Variants in ARID5A observed in about 807,000 individuals in gnomAD.
The protein encoded by ARID5A is AT-rich interaction domain 5A, also known as AT-rich interactive domain-containing protein 5A.
A neutral mutation model predicts 30.5 loss-of-function variants in ARID5A; 14 were observed. The ratio of observed to expected loss-of-function variants is 0.46; its 90% CI spans 0.30 to 0.72. The LOEUF (loss-of-function observed/expected upper bound fraction) is 0.72. ARID5A is among the 30% of genes least tolerant of loss of function. The pLI, the probability that ARID5A is intolerant of heterozygous loss-of-function variation, is 0.07. For missense variants in ARID5A, 669 were observed against 786.2 expected, an observed-to-expected ratio of 0.85 and a Z score of 1.78; for synonymous variants, 338 against 340.4, an observed-to-expected ratio of 0.99 and a Z score of 0.08.
At chr2:96,547,906 G>A (rs112354135) in intron 2 of ARID5A, among the ~76,000 whole-genome samples, 3,160 of 152,316 alleles carry the variant, frequency 0.021, 48 homozygotes, top group Non-Finnish European at 0.029. Context: ...CAGCTTTTTC[G>A]GAGCACAGTC....
intron 1 of ARID5A, among the ~76,000 whole-genome samples, chr2:96,540,709 T>G (rs2065829895): frequency 6.6e-6 from 1 of 152,236 alleles, no homozygotes. Flanking sequence ...GTTTCTAAAT[T>G]TAAATGCAAT....
At chr2:96,542,500 G>A (rs2065863083) in intron 1 of ARID5A, among the ~76,000 whole-genome samples, 1 of 152,186 alleles carries the variant, frequency 6.6e-6, no homozygotes, top group Admixed American at 6.5e-5. Context: ...GGCAGAGCTT[G>A]CAAACTCTGA....
At chr2:96,543,427 C>A (rs1307173477) in intron 1 of ARID5A, among the ~76,000 whole-genome samples, 1 of 151,378 alleles carries the variant, frequency 6.6e-6, no homozygotes, top group Non-Finnish European at 1.5e-5. Context: ...TCTATCGATG[C>A]CATTTTTTAA....
intron 1 of ARID5A, among the ~76,000 whole-genome samples, chr2:96,544,127 G>C (rs2065887200): frequency 6.6e-6 from 1 of 152,206 alleles, no homozygotes; most frequent in Admixed American, 6.5e-5. Flanking sequence ...AAGAAAAGTT[G>C]GAAGCTAGCA....
In ARID5A at chr2:96,539,119, T is replaced by C. The variant is rs1337837551; in HGVS notation, c.4+2289T>C. On this transcript the variant is annotated intron_variant, in intron 1 of 6. Coordinates refer to ENST00000357485, the MANE Select transcript of ARID5A (RefSeq NM_212481.3). This position sits in a 1 kb window ranked among gnomAD's most constrained non-coding sequence, Gnocchi z 4.7. ...CTCTGATCTTCTCACTGAGCCTGGC[T>C]GTGGTTTGTGGGGGAAGCCTCCTTT... Among the ~76,000 whole-genome samples the C allele has an allele frequency of 6.6e-6, 1 of 152,216 alleles. No homozygotes were observed. Among genetic ancestry groups the C allele is most frequent in the Non-Finnish European group, 1.5e-5 (1 of 68,038 alleles).
intron 1 of ARID5A, among the ~76,000 whole-genome samples, chr2:96,547,051 A>G (rs1181658507): frequency 6.6e-6 from 1 of 151,978 alleles, no homozygotes; most frequent in Admixed American, 6.6e-5. Flanking sequence ...ACAGGTGTGG[A>G]GCGGATGCAG....
In ARID5A at chr2:96,550,685, G is replaced by A; in HGVS notation, c.522G>A (p.Gly174=). 6.2e-7 allele frequency: 1 copy of A among 1,600,114 alleles called. No individual in the cohort carries two copies. ...CTAAGGAGAACAGGGGGGATGATGG[G>A]GCCACCGAGAGGCCGAAGAAGGCCA... ...KMAKENRGDD[G]ATERPKKAKE... Residue 174 remains glycine (G), a synonymous_variant, in exon 6 of 7, where the codon GGG becomes GGA. Coordinates refer to ENST00000357485, the MANE Select transcript of ARID5A (RefSeq NM_212481.3). The surrounding 1 kb of genome is among the most constrained non-coding windows in gnomAD (Gnocchi z 6.6).
chr2:96,551,249 C>A lies in ARID5A; in HGVS notation c.721C>A (p.Arg241=). Residue 241 remains arginine, a synonymous_variant, in exon 7 of 7, where the codon CGG becomes AGG. Transcript: ENST00000357485. ...CAGCGGCTGTCCTGAGGCCTACAAGCGGCTCCTATCCAGCTTCTACTGCAA... is the reference window on the plus strand; with the variant it reads ...CAGCGGCTGTCCTGAGGCCTACAAGAGGCTCCTATCCAGCTTCTACTGCAA... ...GASGCPEAYK[R]LLSSFYCKGT... The A allele has an allele frequency of 6.2e-7, 1 of 1,613,936 alleles. No individual in the cohort carries two copies. Among genetic ancestry groups the A allele is most frequent in the Non-Finnish European group, 8.5e-7 (1 of 1,180,022 alleles).
intron 1 of ARID5A, among the ~76,000 whole-genome samples, chr2:96,547,154 C>CT (rs1204775421): frequency 8.3e-4 from 119 of 143,048 alleles, no homozygotes; most frequent in Middle Eastern, 3.6e-3. Context: ...CTGGCCAATT[C>CT]TTTTTTTTTT....
rs145532133 is a variant in ARID5A at position 96,548,771 on chromosome 2, A to G, written c.121-550A>G. 5.7e-3 allele frequency among the ~76,000 whole-genome samples: 864 copies of G among 152,326 alleles called. 9 individuals carry two copies. Among genetic ancestry groups the G allele is most frequent in the African/African-American group, 0.02 (823 of 41,562 alleles). On this transcript the variant is annotated intron_variant, in intron 2 of 6. Coordinates refer to ENST00000357485, the MANE Select transcript of ARID5A (RefSeq NM_212481.3). ...CCTGTGCCCCTGACAGCAGTGCGCA[A>G]TTGAAGCCCAGAGCTTCACCTCCCT...
intron 1 of ARID5A, 61 bp downstream of exon 1, chr2:96,536,891 G>C: frequency 8.2e-7 from 1 of 1,224,456 alleles, no homozygotes; most frequent in South Asian, 4.1e-5. Flanking sequence ...GAGGTTCAAG[G>C]TGCCGGCGCC....
Position 96,550,637 on chromosome 2 carries a change from GC to G in ARID5A, c.477del (p.Arg160GlyfsTer32). 1 of 1,608,112 alleles carries G rather than the reference GC, an allele frequency of 6.2e-7. No homozygotes were observed. The highest frequency in any genetic ancestry group is 8.5e-7 in the Non-Finnish European group (1 of 1,177,842). On this transcript the variant is annotated frameshift_variant, in exon 6 of 7. Transcript: ENST00000357485. LOFTEE classifies it high-confidence loss of function. The surrounding 1 kb of genome is among the most constrained non-coding windows in gnomAD (Gnocchi z 6.6). ...ATGACAAGCCGCTGCCCACCTCCAAGCCCAGGAAACAGTACAAGATGGCTAA... is the reference window on the plus strand; with the variant it reads ...ATGACAAGCCGCTGCCCACCTCCAAGCCAGGAAACAGTACAAGATGGCTAA... ...EDDKPLPTSK[P>X]RKQYKMAKEN...
In ARID5A at chr2:96,551,003, G is replaced by A. The variant is rs1301916605; in HGVS notation, c.571-96G>A. On this transcript the variant is annotated intron_variant, in intron 6 of 6. Coordinates refer to ENST00000357485, the MANE Select transcript of ARID5A (RefSeq NM_212481.3). ...TGTACAGAGGACTGCAGGGGCTGGC[G>A]GGGGACCTGGGCAGGCCTGAAAGTG... 35 of 1,399,946 alleles carry A rather than the reference G, an allele frequency of 2.5e-5. No individual in the cohort carries two copies. In the Admixed American group the frequency reaches 5.9e-4, roughly 24 times the overall value. The allele number at this position is 1,399,946 out of a possible 1,614,324, so 86.7% of individuals were successfully genotyped here.
chr2:96,538,323 T>G, intron 1 of ARID5A: 1 of 985,504 alleles, frequency 1.0e-6, no homozygotes, highest in Non-Finnish European at 1.2e-6. Context: ...CAGAGCCCGG[T>G]AAGAGGGACA....
Position 96,550,118 on chromosome 2 carries a change from G to A in ARID5A, c.313-70G>A, listed in dbSNP as rs1199869658. The A allele has an allele frequency of 2.6e-6, 4 of 1,531,660 alleles. No individual in the cohort carries two copies. Among genetic ancestry groups the A allele is most frequent in the Admixed American group, 2.0e-5 (1 of 50,764 alleles). 94.9% of individuals were successfully genotyped at this position (1,531,660 alleles called of 1,614,324 possible). A position where few individuals can be genotyped will look rare whatever the true frequency, so the allele number is the denominator to read the frequency against. On this transcript the variant is annotated intron_variant, in intron 4 of 6. Transcript: ENST00000357485. This position sits in a 1 kb window ranked among gnomAD's most constrained non-coding sequence, Gnocchi z 6.6. ...CAGTCCTTCGAGTCCCTGCGAGGGC[G>A]GCCGGAGCTGCAAGGACCCCGCCGC...
At position 96,551,826 on chromosome 2, in the gene ARID5A, C is replaced by T. The variant is rs1219041563; in HGVS notation, c.1298C>T (p.Pro433Leu). The T allele has an allele frequency of 6.3e-7, 1 of 1,597,396 alleles. No homozygotes were observed. The highest frequency in any genetic ancestry group is 8.5e-7 in the Non-Finnish European group (1 of 1,173,026). The change falls in exon 7 of 7, where the codon CCC becomes CTC. Residue 433 changes from proline (P) to leucine (L), a missense_variant. Pro to Leu is a moderately conservative substitution (Grantham distance 98, BLOSUM62 -3). Around this residue, in one of 4 missense-constraint regions of ARID5A, gnomAD observed 548 missense variants for 577.4 expected, o/e 0.95. Transcript: ENST00000357485. Reference sequence around the variant, plus strand: ...CCAGCCGAGAGCCCCACGCTCCCGCCCACCTTCCCCAGTAGCCCAGGCCTG... The same window carrying T: ...CCAGCCGAGAGCCCCACGCTCCCGCTCACCTTCCCCAGTAGCCCAGGCCTG... ...KVPAESPTLPPTFPSSPGLGS... is the reference protein window; with the variant it reads ...KVPAESPTLPLTFPSSPGLGS...
rs1361675838 is a variant in ARID5A at position 96,550,776 on chromosome 2, T to C, written c.570+43T>C. On this transcript the variant is annotated intron_variant, in intron 6 of 6. Coordinates refer to ENST00000357485, the MANE Select transcript of ARID5A (RefSeq NM_212481.3). This position sits in a 1 kb window ranked among gnomAD's most constrained non-coding sequence, Gnocchi z 6.6. ...TGGGGCCACCCTGTCCCTTGCCTCT[T>C]GTAGCCCCCTACCCCACAACTCCCT... 27 of 1,505,598 alleles carry C rather than the reference T, an allele frequency of 1.8e-5. No individual in the cohort carries two copies. The highest frequency in any genetic ancestry group is 2.8e-5 in the African/African-American group (2 of 71,054). 93.3% of individuals were successfully genotyped at this position (1,505,598 alleles called of 1,614,324 possible).
In ARID5A at chr2:96,539,731, C is replaced by A. The variant is rs939218001; in HGVS notation, c.4+2901C>A. Among the ~76,000 whole-genome samples, 1 of 124,620 alleles carries A rather than the reference C, an allele frequency of 8.0e-6. No individual in the cohort carries two copies. The highest frequency in any genetic ancestry group is 4.7e-5 in the African/African-American group (1 of 21,242). 81.8% of individuals were successfully genotyped at this position (124,620 alleles called of 152,430 possible). A position where few individuals can be genotyped will look rare whatever the true frequency, so the allele number is the denominator to read the frequency against. On this transcript the variant is annotated intron_variant, in intron 1 of 6. Transcript: ENST00000357485. The surrounding 1 kb of genome is among the most constrained non-coding windows in gnomAD (Gnocchi z 4.7). ...CATGCCCCTTCCCGGCCCTCCCCCT[C>A]TCCCCGCTGCTGCCCAGCTCTCTGA...
chr2:96,551,832 TC>T lies in ARID5A; in HGVS notation c.1308del (p.Ser437ValfsTer73). ...PAESPTLPPT[F>X]PSSPGLGSKR... Reference sequence around the variant, plus strand: ...GAGAGCCCCACGCTCCCGCCCACCTTCCCCAGTAGCCCAGGCCTGGGCAGCA... The same window carrying T: ...GAGAGCCCCACGCTCCCGCCCACCTTCCCAGTAGCCCAGGCCTGGGCAGCA... On this transcript the variant is annotated frameshift_variant, in exon 7 of 7. Transcript: ENST00000357485. LOFTEE classifies it low-confidence loss of function (END_TRUNC). 1 of 1,597,398 alleles carries T rather than the reference TC, an allele frequency of 6.3e-7. No individual in the cohort carries two copies. The highest frequency in any genetic ancestry group is 1.3e-5 in the African/African-American group (1 of 74,078).
Sources: gnomAD v4.1 joint callset for allele counts (sites outside exome capture counted in the v4.1 genomes callset) on GRCh38, gnomAD v4.1.1 for gene constraint, gnomAD v4.1.1 regional missense constraint, Gnocchi (gnomAD v3.1) non-coding constraint, MANE v1.5 for transcripts, NCBI Gene and HGNC (gene_info 2026-07-23, HGNC 2026-07-21) for gene names.